ANTXR1: variants seen among roughly 807,000 people sequenced by gnomAD.
ANTXR1 encodes the protein anthrax toxin receptor 1.
In ANTXR1, 19 loss-of-function variants were observed where a neutral mutation model predicts 78.1. The ratio of observed to expected loss-of-function variants is 0.24; its 90% confidence interval spans 0.17 to 0.36. The LOEUF (loss-of-function observed/expected upper bound fraction) is 0.36, where lower values mean the gene tolerates loss of function less well. Ranked by LOEUF, ANTXR1 falls within the 10% of genes least tolerant of loss-of-function variation. The pLI, the probability that ANTXR1 is intolerant of heterozygous loss-of-function variation, is 1.00. For missense variants in ANTXR1, 518 were observed against 718.6 expected (o/e 0.72, Z 3.19); for synonymous variants, 273 against 260.5 (o/e 1.05, Z -0.46).
At chr2:69,088,840 A>C (rs1366588830) in intron 8 of ANTXR1, among the ~76,000 whole-genome samples, 1 of 152,102 alleles carries the variant, frequency 6.6e-6, no homozygotes, top group Non-Finnish European at 1.5e-5. Flanking sequence ...CCCAAGTTAG[A>C]CTGACAATGA....
At position 69,130,288 on chromosome 2, in the gene ANTXR1, A is replaced by G. The variant is rs1041458350; in HGVS notation, c.951+5645A>G. ...TTAGACACAAGGTTCCAAATTCAAC[A>G]TTAAATAAATGAAGACCCCTGTTTT... is the stretch of plus-strand genomic sequence containing the variant. On this transcript the variant is annotated intron_variant, in intron 12 of 17. Transcript: ENST00000303714. Among the ~76,000 whole-genome samples, 14 of 147,242 alleles carry G rather than the reference A, an allele frequency of 9.5e-5. 1 individual carries two copies. Among genetic ancestry groups the G allele is most frequent in the Admixed American group, 8.1e-4 (12 of 14,748 alleles).
intron 11 of ANTXR1, among the ~76,000 whole-genome samples, 186 bp downstream of exon 11, chr2:69,123,272 A>G (rs1672413382): frequency 6.6e-6 from 1 of 152,154 alleles, no homozygotes; most frequent in African/African-American, 2.4e-5. Flanking sequence ...ATCTCACTTC[A>G]TTCTCCCAGG....
At chr2:69,212,765 C>T (rs1675075184) in intron 17 of ANTXR1, among the ~76,000 whole-genome samples, 1 of 151,990 alleles carries the variant, frequency 6.6e-6, no homozygotes, top group South Asian at 2.1e-4. Flanking sequence ...GATCCTCCTA[C>T]CTCTGCCTCC....
At chr2:69,077,283 A>T in intron 7 of ANTXR1, 125 bp from the exon 8 acceptor site, 1 of 979,024 alleles carries the variant, frequency 1.0e-6, no homozygotes, top group South Asian at 1.3e-5. Context: ...GAGCCCAGTG[A>T]AGGCCTCATA....
Position 69,152,230 on chromosome 2 carries a change from T to C in ANTXR1, c.1013T>C (p.Leu338Pro). Reference sequence around the variant, plus strand: ...CTGTTCCTGCTCCTAGCCCTGGCTCTCCTCTGGTGGTTCTGGCCCCTCTGC... The same window carrying C: ...CTGTTCCTGCTCCTAGCCCTGGCTCCCCTCTGGTGGTTCTGGCCCCTCTGC... The part of the protein sequence containing the change: ...LILFLLLALA[L>P]LWWFWPLCCT... Residue 338 changes from leucine (L) to proline (P), a missense_variant, in exon 13 of 18, where the codon CTC (leucine) becomes CCC (proline). Leu to Pro is a moderately conservative substitution (Grantham distance 98, BLOSUM62 -3). Transcript: ENST00000303714. The C allele has an allele frequency of 6.2e-7, 1 of 1,614,170 alleles. No homozygotes were observed.
intron 3 of ANTXR1, among the ~76,000 whole-genome samples, chr2:69,052,757 T>G (rs987111881): frequency 6.6e-6 from 1 of 152,156 alleles, no homozygotes; most frequent in African/African-American, 2.4e-5. Flanking sequence ...TCTCTTTATA[T>G]TCTAAGTATA....
intron 12 of ANTXR1, among the ~76,000 whole-genome samples, chr2:69,134,151 C>T (rs146892960): frequency 1.3e-5 from 2 of 152,158 alleles, no homozygotes; most frequent in East Asian, 1.9e-4. Context: ...TTAAAATCTC[C>T]GTTCGAATAT....
chr2:69,225,161 C>G (rs1256583781), intron 17 of ANTXR1, among the ~76,000 whole-genome samples: 1 of 152,180 alleles, frequency 6.6e-6, no homozygotes, highest in Non-Finnish European at 1.5e-5. Context: ...ATTTCACAGT[C>G]CCGAGCACCC....
At chr2:69,157,638 C>T (rs575910240) in intron 13 of ANTXR1, among the ~76,000 whole-genome samples, 4 of 152,260 alleles carry the variant, frequency 2.6e-5, no homozygotes, top group Non-Finnish European at 5.9e-5. Flanking sequence ...TTTCCCACAC[C>T]TCATCTTATC....
Position 69,245,746 on chromosome 2 carries a change from G to T in ANTXR1, c.*261G>T. 2 of 461,928 alleles carry T rather than the reference G, an allele frequency of 4.3e-6. No individual in the cohort carries two copies. The highest frequency in any genetic ancestry group is 2.9e-5 in the South Asian group (1 of 33,984). The allele number at this position is 461,928 out of a possible 1,614,324, so 28.6% of individuals were successfully genotyped here. On this transcript the variant is annotated 3_prime_UTR_variant, in exon 18 of 18. Coordinates refer to ENST00000303714, the MANE Select transcript of ANTXR1 (RefSeq NM_032208.3). Reference sequence around the variant, plus strand: ...ACCTCTAGAAGGTTCCAGAGACAGTGAAACTGCAAGATGCTCTCAACAGGA... The same window carrying T: ...ACCTCTAGAAGGTTCCAGAGACAGTTAAACTGCAAGATGCTCTCAACAGGA...
intron 9 of ANTXR1, among the ~76,000 whole-genome samples, chr2:69,094,150 C>G (rs1316112996): frequency 6.6e-6 from 1 of 152,182 alleles, no homozygotes; most frequent in Non-Finnish European, 1.5e-5. Context: ...TCAGATAGAG[C>G]GAGGCGTAGC....
chr2:69,136,540 G>A (rs1000466787), intron 12 of ANTXR1, among the ~76,000 whole-genome samples: 1 of 152,216 alleles, frequency 6.6e-6, no homozygotes, highest in Admixed American at 6.5e-5. Context: ...GCATTTGTGA[G>A]TCAAAGTAAT....
chr2:69,135,499 A>T (rs566095664), intron 12 of ANTXR1, among the ~76,000 whole-genome samples: 1 of 152,286 alleles, frequency 6.6e-6, no homozygotes, highest in East Asian at 1.9e-4. Flanking sequence ...AATAAAACAT[A>T]TATTCAATAA....
intron 12 of ANTXR1, among the ~76,000 whole-genome samples, chr2:69,130,073 T>C (rs1307447454): frequency 4.6e-5 from 7 of 152,276 alleles, no homozygotes; most frequent in African/African-American, 1.7e-4. Flanking sequence ...GCCTTTCAAT[T>C]TGGGGACATT....
chr2:69,091,100 T>G (rs1180002867), intron 9 of ANTXR1, among the ~76,000 whole-genome samples, 181 bp downstream of exon 9: 1 of 148,174 alleles, frequency 6.7e-6, no homozygotes, highest in African/African-American at 2.5e-5. Context: ...AGAAGCCACA[T>G]GTCAGTTGTT....
At chr2:69,233,459 T>C (rs1264663487) in intron 17 of ANTXR1, among the ~76,000 whole-genome samples, 3 of 151,862 alleles carry the variant, frequency 2.0e-5, no homozygotes, top group Admixed American at 6.6e-5. Context: ...TATCAGTAGG[T>C]GAAAATATAG....
At chr2:69,061,371 G>T (rs947202270) in intron 3 of ANTXR1, among the ~76,000 whole-genome samples, 4 of 152,072 alleles carry the variant, frequency 2.6e-5, no homozygotes, top group African/African-American at 9.7e-5. Context: ...CTTCTTCCTT[G>T]TCCAATTTCA....
In ANTXR1 at chr2:69,202,436, A is replaced by G. The variant is rs781083984; in HGVS notation, c.1434+9021A>G. 1.2e-3 allele frequency among the ~76,000 whole-genome samples: 178 copies of G among 152,198 alleles called. 1 individual carries two copies. Among genetic ancestry groups the G allele is most frequent in the Non-Finnish European group, 3.5e-4 (24 of 68,034 alleles). Reference sequence around the variant, plus strand: ...GATGGGGTTGGGAGCAAAGCTTAACAAACAATGGGAGGGAGAGCCAAGGCA... The same window carrying G: ...GATGGGGTTGGGAGCAAAGCTTAACGAACAATGGGAGGGAGAGCCAAGGCA... On this transcript the variant is annotated intron_variant, in intron 17 of 17. Coordinates refer to ENST00000303714, the MANE Select transcript of ANTXR1 (RefSeq NM_032208.3).
chr2:69,118,451 T>C (rs536616808), intron 10 of ANTXR1, among the ~76,000 whole-genome samples: 1 of 152,134 alleles, frequency 6.6e-6, no homozygotes, highest in African/African-American at 2.4e-5. Context: ...AACAAAAATT[T>C]AAACATAAAA....
Sources: gnomAD v4.1 joint callset for allele counts (sites outside exome capture counted in the v4.1 genomes callset) on GRCh38, gnomAD v4.1.1 for gene constraint, MANE v1.5 for transcripts, NCBI Gene and HGNC (gene_info 2026-07-23, HGNC 2026-07-21) for gene names.